GPC3: variants seen among roughly 807,000 people sequenced by gnomAD.
The protein encoded by GPC3 is glypican-3.
Under a neutral mutation model 34.4 loss-of-function variants are expected in GPC3, and 3 were observed. The ratio of observed to expected loss-of-function variants is 0.09; its 90% CI spans 0.04 to 0.23. GPC3 has a LOEUF of 0.23. Among genes scored for constraint, GPC3 ranks in the 10% least tolerant of loss-of-function variants. The pLI, the probability that GPC3 is intolerant of heterozygous loss-of-function variation, is 1.00. For missense variants in GPC3, 351 were observed against 445.6 expected, an observed-to-expected ratio of 0.79 and a Z score of 1.91; for synonymous variants, 177 against 174.0, an observed-to-expected ratio of 1.02 and a Z score of -0.13.
chrX:133,868,491 G>A (rs968307926), intron 2 of GPC3, among the ~76,000 whole-genome samples: 2 of 112,458 alleles, frequency 1.8e-5, no homozygotes, highest in Non-Finnish European at 1.9e-5. Flanking sequence ...AAAAGCTGCA[G>A]GAAAGAGGAT....
intron 6 of GPC3, among the ~76,000 whole-genome samples, chrX:133,654,710 TCAAAAAACAAAAAA>T (rs754530020): frequency 9.7e-6 from 1 of 103,245 alleles, no homozygotes; most frequent in Non-Finnish European, 1.9e-5. Flanking sequence ...AGACTCCGTC[TCAAAAAACAAAAAA>T]CAAAAAACAA....
At chrX:133,797,713 C>T (rs1287017879) in intron 2 of GPC3, among the ~76,000 whole-genome samples, 2 of 110,079 alleles carry the variant, frequency 1.8e-5, no homozygotes, top group African/African-American at 6.6e-5. Flanking sequence ...GCCTGTAGTC[C>T]CAGCTGCTTG....
At chrX:133,782,954 A>G (rs2072064057) in intron 2 of GPC3, among the ~76,000 whole-genome samples, 1 of 111,215 alleles carries the variant, frequency 9.0e-6, no homozygotes, top group African/African-American at 3.3e-5. Context: ...AGAGCTCATT[A>G]GGCCAGCAGA....
chrX:133,789,300 A>G (rs2072137830), intron 2 of GPC3, among the ~76,000 whole-genome samples: 1 of 112,070 alleles, frequency 8.9e-6, no homozygotes, highest in African/African-American at 3.2e-5. Flanking sequence ...TGGAAGCATT[A>G]CCCAGTGAGT....
chrX:133,946,197 TGAG>T lies in GPC3; in HGVS notation c.337+6850_337+6852del, dbSNP rs780345240. Among the ~76,000 whole-genome samples the T allele has an allele frequency of 7.3e-3, 818 of 111,671 alleles. 5 individuals are homozygous for T. Among genetic ancestry groups the T allele is most frequent in the South Asian group, 0.017 (44 of 2,638 alleles). On this transcript the variant is annotated intron_variant, in intron 2 of 7. Transcript: ENST00000370818. ...CCCTTGCAAGGAGGAAAGTTAGAAT[TGAG>T]GAGACTGCTTATGACCATGAGATGA... is the stretch of plus-strand genomic sequence containing the variant.
chrX:133,543,908 G>C (rs143802241), intron 7 of GPC3, among the ~76,000 whole-genome samples: 1 of 111,939 alleles, frequency 8.9e-6, no homozygotes, highest in East Asian at 2.8e-4. Flanking sequence ...CTGACGTAGT[G>C]GGGGGATTTA....
intron 2 of GPC3, among the ~76,000 whole-genome samples, chrX:133,883,985 T>C (rs1480732332): frequency 8.9e-6 from 1 of 111,899 alleles, no homozygotes; most frequent in Admixed American, 9.6e-5. Flanking sequence ...TTATATTATA[T>C]AATCCTTATG....
At chrX:133,862,417 A>G (rs1455280158) in intron 2 of GPC3, among the ~76,000 whole-genome samples, 1 of 107,997 alleles carries the variant, frequency 9.3e-6, no homozygotes, top group Non-Finnish European at 1.9e-5. Flanking sequence ...GTGGTGGCTC[A>G]CGCCTGTAAT....
At chrX:133,966,489 C>T (rs1436703836) in intron 1 of GPC3, among the ~76,000 whole-genome samples, 1 of 112,284 alleles carries the variant, frequency 8.9e-6, no homozygotes, top group African/African-American at 3.2e-5. Flanking sequence ...TAATAGCTAA[C>T]TTAAATTTCA....
intron 4 of GPC3, among the ~76,000 whole-genome samples, chrX:133,699,465 T>C (rs2071146436): frequency 8.9e-6 from 1 of 112,043 alleles, no homozygotes; most frequent in Non-Finnish European, 1.9e-5. Flanking sequence ...TTTATCATTT[T>C]TAAAAGGTGT....
intron 2 of GPC3, among the ~76,000 whole-genome samples, chrX:133,795,943 C>CTTTTTTTTT: frequency 1.2e-5 from 1 of 84,937 alleles, no homozygotes; most frequent in Non-Finnish European, 2.3e-5. Flanking sequence ...TTTCTTTTTC[C>CTTTTTTTTT]TTTTTTTTTT....
chrX:133,821,655 G>A (rs1373215554), intron 2 of GPC3, among the ~76,000 whole-genome samples: 2 of 111,435 alleles, frequency 1.8e-5, no homozygotes, highest in Non-Finnish European at 3.8e-5. Flanking sequence ...ATAATACCTA[G>A]TGTAGGCATT....
intron 3 of GPC3, among the ~76,000 whole-genome samples, chrX:133,737,365 A>AATG (rs771469599): frequency 3.6e-4 from 40 of 112,221 alleles, no homozygotes; most frequent in African/African-American, 1.3e-3. Context: ...TTTGGGTGAT[A>AATG]ATGATGTGTC....
chrX:133,802,278 T>A (rs1204247694), intron 2 of GPC3, among the ~76,000 whole-genome samples: 1 of 111,440 alleles, frequency 9.0e-6, no homozygotes, highest in Admixed American at 9.6e-5. Context: ...GTAGTTTGTA[T>A]GCACATTCAC....
chrX:133,974,255 G>A (rs1344910648), intron 1 of GPC3, among the ~76,000 whole-genome samples: 2 of 111,569 alleles, frequency 1.8e-5, no homozygotes, highest in Non-Finnish European at 1.9e-5. Context: ...TCACTATGTT[G>A]CCCAGGCTGG....
intron 7 of GPC3, among the ~76,000 whole-genome samples, chrX:133,554,549 G>C (rs1350982169): frequency 1.8e-5 from 2 of 110,604 alleles, no homozygotes; most frequent in African/African-American, 6.6e-5. Flanking sequence ...CTGTTCCCCT[G>C]GTCACCTGCT....
intron 2 of GPC3, among the ~76,000 whole-genome samples, chrX:133,769,296 C>T (rs919055526): frequency 7.2e-5 from 8 of 111,693 alleles, no homozygotes; most frequent in Non-Finnish European, 5.6e-5. Flanking sequence ...AAGATGAAGT[C>T]CTAGAGATTT....
In GPC3 at chrX:133,828,466, T is replaced by C. The variant is rs760466684; in HGVS notation, c.338-74290A>G. On this transcript the variant is annotated intron_variant, in intron 2 of 7. Transcript: ENST00000370818. ...AGCCACTGTGCCTGGCCTGAAACGA[T>C]CTTTTTAAAATGGACAATGCAGGAA... Among the ~76,000 whole-genome samples, 25 of 112,476 alleles carry C rather than the reference T, an allele frequency of 2.2e-4. No individual in the cohort carries two copies. The East Asian group carries it at 7.0e-3, about 31-fold the overall frequency.
At chrX:133,977,634 C>T (rs750994237) in intron 1 of GPC3, among the ~76,000 whole-genome samples, 1 of 111,960 alleles carries the variant, frequency 8.9e-6, no homozygotes, top group East Asian at 2.8e-4. Flanking sequence ...TACTGATATG[C>T]AGGGTTTGGG....
Sources: allele counts gnomAD v4.1 joint callset (sites outside exome capture counted in the v4.1 genomes callset), GRCh38; gene constraint gnomAD v4.1.1; transcripts MANE v1.5; gene names NCBI Gene and HGNC (gene_info 2026-07-23, HGNC 2026-07-21).